SLC9C2: variants seen among roughly 807,000 people sequenced by gnomAD.
SLC9C2 encodes the protein sodium/hydrogen exchanger 11.
SLC9C2 carries 75 observed loss-of-function variants against 140.2 expected under a neutral mutation model. That is an observed-to-expected ratio of 0.53 (90% confidence interval 0.44 to 0.65). The LOEUF (loss-of-function observed/expected upper bound fraction) is 0.65. SLC9C2 is among the 30% of genes least tolerant of loss of function. SLC9C2 has a pLI of 0.00. For synonymous variants in SLC9C2, 375 were observed against 420.9 expected (o/e 0.89, Z 1.34); for missense variants, 1,074 against 1,331.8 (o/e 0.81, Z 3.01).
At chr1:173,536,353 C>G (rs1475394065) in intron 14 of SLC9C2, among the ~76,000 whole-genome samples, 1 of 152,202 alleles carries the variant, frequency 6.6e-6, no homozygotes, top group Non-Finnish European at 1.5e-5. Flanking sequence ...ATCACCCAGC[C>G]AGGATCTCCT....
At chr1:173,559,562 A>C (rs1043635472) in intron 9 of SLC9C2, among the ~76,000 whole-genome samples, 3 of 151,874 alleles carry the variant, frequency 2.0e-5, no homozygotes, top group African/African-American at 7.3e-5. Context: ...GTCTGCTGCC[A>C]CTCCCATTTG....
chr1:173,513,916 G>C (rs1442710658), intron 23 of SLC9C2, among the ~76,000 whole-genome samples: 2 of 152,158 alleles, frequency 1.3e-5, no homozygotes, highest in African/African-American at 4.8e-5. Flanking sequence ...ATTTACCCAG[G>C]AGTTATTCAG....
At chr1:173,593,612 A>T (rs977668762) in intron 4 of SLC9C2, among the ~76,000 whole-genome samples, 5 of 152,194 alleles carry the variant, frequency 3.3e-5, no homozygotes, top group African/African-American at 1.2e-4. Context: ...ACCCAATGGT[A>T]TGATGTCTTC....
At chr1:173,585,499 A>G (rs899317424) in intron 5 of SLC9C2, among the ~76,000 whole-genome samples, 3 of 152,214 alleles carry the variant, frequency 2.0e-5, no homozygotes, top group Non-Finnish European at 4.4e-5. Context: ...TGGCCCAGCC[A>G]ACACCCAAAA....
intron 11 of SLC9C2, among the ~76,000 whole-genome samples, chr1:173,552,918 GT>G (rs1199613341): frequency 6.6e-6 from 1 of 152,206 alleles, no homozygotes; most frequent in Non-Finnish European, 1.5e-5. Flanking sequence ...TCTGATGGAT[GT>G]AGGGAAAATC....
At chr1:173,576,903 T>TC in intron 7 of SLC9C2, 143 bp from the exon 8 acceptor site, 1 of 603,824 alleles carries the variant, frequency 1.7e-6, no homozygotes, top group South Asian at 2.3e-5. Context: ...ATTGACCTAA[T>TC]CCAGTAAACC....
At chr1:173,552,645 T>C (rs562883976) in intron 11 of SLC9C2, among the ~76,000 whole-genome samples, 12 of 152,244 alleles carry the variant, frequency 7.9e-5, no homozygotes, top group African/African-American at 2.2e-4. Flanking sequence ...TATAGCATGG[T>C]TTACTAAATA....
At chr1:173,527,577 G>T (rs774780913) in intron 18 of SLC9C2, among the ~76,000 whole-genome samples, 5 of 152,188 alleles carry the variant, frequency 3.3e-5, no homozygotes, top group Non-Finnish European at 5.9e-5. Flanking sequence ...ACAGGTATTT[G>T]TTGGATGCCC....
intron 9 of SLC9C2, among the ~76,000 whole-genome samples, chr1:173,568,569 T>A (rs10912648): frequency 0.24 from 37,092 of 152,140 alleles, 5,487 homozygotes; most frequent in East Asian, 0.64. Context: ...TTTGCTATTG[T>A]GAATAGTGCT....
chr1:173,514,614 T>G (rs1221690355), intron 23 of SLC9C2, among the ~76,000 whole-genome samples: 1 of 152,214 alleles, frequency 6.6e-6, no homozygotes, highest in Non-Finnish European at 1.5e-5. Context: ...GTCTGTGTCT[T>G]TTAATTGGGG....
At chr1:173,585,792 C>G (rs1287750177) in intron 5 of SLC9C2, among the ~76,000 whole-genome samples, 1 of 151,938 alleles carries the variant, frequency 6.6e-6, no homozygotes, top group Admixed American at 6.5e-5. Flanking sequence ...CATGGCAAAA[C>G]CCCCTCTCTA....
chr1:173,556,800 C>T (rs775333122), intron 10 of SLC9C2, among the ~76,000 whole-genome samples: 27 of 151,840 alleles, frequency 1.8e-4, no homozygotes, highest in Non-Finnish European at 3.5e-4. Flanking sequence ...TGTTTGTGCA[C>T]ACCTGTAATC....
At chr1:173,521,885 C>CAAAA (rs58355008) in intron 21 of SLC9C2, among the ~76,000 whole-genome samples, 10,027 of 76,766 alleles carry the variant, frequency 0.13, 1,073 homozygotes, top group South Asian at 0.26. Flanking sequence ...GGGCGCTATG[C>CAAAA]AAAAAAAAAA....
intron 17 of SLC9C2, among the ~76,000 whole-genome samples, chr1:173,532,875 C>G (rs1039288242): frequency 6.6e-6 from 1 of 152,082 alleles, no homozygotes; most frequent in Non-Finnish European, 1.5e-5. Flanking sequence ...AGTGAGATCC[C>G]ATTTCTATTA....
chr1:173,511,384 T>C (rs1227335069), intron 23 of SLC9C2, among the ~76,000 whole-genome samples: 1 of 152,188 alleles, frequency 6.6e-6, no homozygotes, highest in Non-Finnish European at 1.5e-5. Context: ...TGGTATTTCA[T>C]TGCGGTTTTG....
intron 23 of SLC9C2, among the ~76,000 whole-genome samples, chr1:173,511,029 CTTT>C (rs71111066): frequency 3.0e-3 from 257 of 86,732 alleles, no homozygotes; most frequent in African/African-American, 0.011. Context: ...CTTTCTTTTC[CTTT>C]TTTTTTTTTT....
Position 173,568,112 on chromosome 1 carries a change from C to T in SLC9C2, c.1046+5070G>A, listed in dbSNP as rs1456179066. Among the ~76,000 whole-genome samples, 4 of 152,078 alleles carry T rather than the reference C, an allele frequency of 2.6e-5. No individual in the cohort carries two copies. In the East Asian group the frequency reaches 7.7e-4, roughly 29 times the overall value. ...TTTCTACTTAGGAGTAGTTTACACA[C>T]CACAATTACAGCGTTTTTTAAATAT... On this transcript the variant is annotated intron_variant, in intron 9 of 27. Transcript: ENST00000367714.
At chr1:173,578,539 G>A (rs960129668) in intron 7 of SLC9C2, among the ~76,000 whole-genome samples, 3 of 152,174 alleles carry the variant, frequency 2.0e-5, no homozygotes, top group Admixed American at 2.0e-4. Flanking sequence ...TAACAAAGGA[G>A]GGAGGTGTAT....
At chr1:173,576,197 C>T (rs1038249542) in intron 8 of SLC9C2, among the ~76,000 whole-genome samples, 12 of 152,176 alleles carry the variant, frequency 7.9e-5, no homozygotes, top group Non-Finnish European at 1.5e-4. Context: ...TCTGCACAGA[C>T]AGGCAAATGA....
Sources: gnomAD v4.1 joint callset for allele counts (sites outside exome capture counted in the v4.1 genomes callset) on GRCh38, gnomAD v4.1.1 for gene constraint, MANE v1.5 for transcripts, NCBI Gene and HGNC (gene_info 2026-07-23, HGNC 2026-07-21) for gene names.